The following SEPHS1 variants were observed in gnomAD, a reference collection of about 807,000 sequenced individuals.
SEPHS1 encodes the protein selenophosphate synthetase 1.
A neutral mutation model predicts 39.2 loss-of-function variants in SEPHS1; 7 were observed. The observed-to-expected ratio is 0.18, with a 90% confidence interval of 0.10 to 0.34. SEPHS1 has a LOEUF of 0.34. Ranked by LOEUF, SEPHS1 falls within the 10% of genes least tolerant of loss-of-function variation. The pLI, the probability that SEPHS1 is intolerant of heterozygous loss-of-function variation, is 1.00. For synonymous variants in SEPHS1, 190 were observed against 195.5 expected, an observed-to-expected ratio of 0.97 and a Z score of 0.23; for missense variants, 253 against 514.5, an observed-to-expected ratio of 0.49 and a Z score of 4.92.
At chr10:13,334,015 T>G (rs561208495) in intron 4 of SEPHS1, 44 bp from the exon 5 acceptor site, 1 of 1,536,852 alleles carries the variant, frequency 6.5e-7, no homozygotes, top group East Asian at 2.3e-5. Context: ...AGAATTCTGT[T>G]CAAAACCCAG....
At chr10:13,321,641 C>G (rs1833120543) in intron 8 of SEPHS1, among the ~76,000 whole-genome samples, 1 of 152,040 alleles carries the variant, frequency 6.6e-6, no homozygotes, top group Non-Finnish European at 1.5e-5. Context: ...AAGGGAAAAA[C>G]AGGGAGACTT....
intron 2 of SEPHS1, among the ~76,000 whole-genome samples, chr10:13,341,978 G>GA (rs756726696): frequency 0.45 from 49,334 of 108,698 alleles, 10,805 homozygotes; most frequent in East Asian, 0.69. Context: ...CTATCTCAAG[G>GA]AAAAAAAAAA....
intron 2 of SEPHS1, 24 bp downstream of exon 2, chr10:13,344,734 T>C: frequency 6.9e-7 from 1 of 1,446,234 alleles, no homozygotes; most frequent in Middle Eastern, 1.8e-4. Flanking sequence ...TCGCAGACCA[T>C]CAAAGAAACA....
chr10:13,346,378 T>A (rs1833921600), intron 1 of SEPHS1, among the ~76,000 whole-genome samples: 1 of 152,196 alleles, frequency 6.6e-6, no homozygotes, highest in Non-Finnish European at 1.5e-5. Context: ...GAGTTTTCCA[T>A]CCCTTGGGAC....
intron 7 of SEPHS1, among the ~76,000 whole-genome samples, chr10:13,323,728 T>C (rs966727370): frequency 6.6e-6 from 1 of 151,898 alleles, no homozygotes; most frequent in East Asian, 1.9e-4. Flanking sequence ...TGCAAGTTTA[T>C]TTTTAAATTT....
chr10:13,343,117 TAGTA>T (rs1376246728), intron 2 of SEPHS1, among the ~76,000 whole-genome samples: 1 of 152,240 alleles, frequency 6.6e-6, no homozygotes, highest in Non-Finnish European at 1.5e-5. Context: ...TATGAGTGAC[TAGTA>T]AGTAACTGTG....
intron 8 of SEPHS1, among the ~76,000 whole-genome samples, chr10:13,320,336 C>G (rs991601402): frequency 2.1e-4 from 32 of 151,960 alleles, no homozygotes; most frequent in Non-Finnish European, 1.2e-4. Flanking sequence ...CGCCCGCCAC[C>G]ACACCCGGCT....
chr10:13,325,181 A>G (rs1210143441), intron 7 of SEPHS1, among the ~76,000 whole-genome samples: 4 of 152,152 alleles, frequency 2.6e-5, no homozygotes, highest in Non-Finnish European at 5.9e-5. Context: ...AAACTTAGCA[A>G]TTTTTTAATA....
chr10:13,337,016 TG>T (rs1195934037), intron 3 of SEPHS1, among the ~76,000 whole-genome samples: 1 of 152,182 alleles, frequency 6.6e-6, no homozygotes, highest in Non-Finnish European at 1.5e-5. Context: ...CTGGGCATGG[TG>T]GTGCACACCT....
chr10:13,336,419 T>C (rs764552609), intron 3 of SEPHS1, 69 bp from the exon 4 acceptor site: 1 of 1,121,218 alleles, frequency 8.9e-7, no homozygotes, highest in South Asian at 1.3e-5. Flanking sequence ...GAGTGAGCCA[T>C]GGAGTGGACT....
Position 13,322,777 on chromosome 10 carries a change from C to T in SEPHS1, c.964+58G>A, listed in dbSNP as rs1012641125. 61 of 1,531,678 alleles carry T rather than the reference C, an allele frequency of 4.0e-5. No homozygotes were observed. In the South Asian group the frequency reaches 4.2e-4, roughly 11 times the overall value. The allele number at this position is 1,531,678 out of a possible 1,614,324, so 94.9% of individuals were successfully genotyped here. On this transcript the variant is annotated intron_variant, in intron 8 of 8. Coordinates refer to ENST00000327347, the MANE Select transcript of SEPHS1 (RefSeq NM_012247.5). Reference sequence around the variant, plus strand: ...ACTCGGGGTGGGGCTGCTGCTTTCTCGCTGAGCTTTCTGTTAGCCTCACTA... The same window carrying T: ...ACTCGGGGTGGGGCTGCTGCTTTCTTGCTGAGCTTTCTGTTAGCCTCACTA...
rs1233027287 is a variant in SEPHS1 at position 13,347,993 on chromosome 10, C to G, written c.-79+7G>C. The G allele has an allele frequency of 1.3e-5, 2 of 149,042 alleles. No homozygotes were observed. The highest frequency in any genetic ancestry group is 3.0e-5 in the Non-Finnish European group (2 of 67,080). The allele number at this position is 149,042 out of a possible 1,614,324, so 9.2% of individuals were successfully genotyped here. A position where few individuals can be genotyped will look rare whatever the true frequency, so the allele number is the denominator to read the frequency against. On this transcript the variant is annotated splice_region_variant and intron_variant, in intron 1 of 8. Transcript: ENST00000327347. Reference sequence around the variant, plus strand: ...CGCCTCCCCCCCGCGCCGGGCCCGCCGCTTACCGGCTCGCTTTGCGCCCTC... The same window carrying G: ...CGCCTCCCCCCCGCGCCGGGCCCGCGGCTTACCGGCTCGCTTTGCGCCCTC...
At chr10:13,333,738 C>T (rs1833538485) in intron 5 of SEPHS1, 79 bp downstream of exon 5, 34 of 1,472,278 alleles carry the variant, frequency 2.3e-5, no homozygotes, top group Non-Finnish European at 2.9e-5. Flanking sequence ...CTGCACCTGA[C>T]CTTAATACAT....
chr10:13,337,169 A>AG (rs1564450715), intron 3 of SEPHS1, among the ~76,000 whole-genome samples: 3 of 152,104 alleles, frequency 2.0e-5, no homozygotes. Flanking sequence ...CAAAAAAAAA[A>AG]CAAAAAAAAT....
intron 8 of SEPHS1, among the ~76,000 whole-genome samples, chr10:13,320,596 T>C (rs1833080046): frequency 6.6e-6 from 1 of 151,594 alleles, no homozygotes; most frequent in Admixed American, 6.6e-5. Context: ...TCCCAGCACT[T>C]TGGGAGGCCG....
chr10:13,323,530 T>G (rs1588533096), intron 7 of SEPHS1, among the ~76,000 whole-genome samples: 1 of 152,098 alleles, frequency 6.6e-6, no homozygotes. Context: ...AATTTCTGTA[T>G]TTTTAGCAGA....
chr10:13,338,595 T>A, intron 3 of SEPHS1, 110 bp downstream of exon 3: 1 of 812,844 alleles, frequency 1.2e-6, no homozygotes. Flanking sequence ...ATAGTCGGGA[T>A]ATAACAGAAA....
intron 1 of SEPHS1, among the ~76,000 whole-genome samples, chr10:13,345,855 C>T (rs1238447639): frequency 1.3e-5 from 2 of 152,078 alleles, no homozygotes; most frequent in African/African-American, 4.8e-5. Context: ...CCAGCCTGGG[C>T]GAGAGTGAGA....
chr10:13,334,012 T>C, intron 4 of SEPHS1, 41 bp from the exon 5 acceptor site: 1 of 1,544,588 alleles, frequency 6.5e-7, no homozygotes, highest in Non-Finnish European at 8.8e-7. Context: ...CAAAGAATTC[T>C]GTTCAAAACC....
Sources: allele counts gnomAD v4.1 joint callset (sites outside exome capture counted in the v4.1 genomes callset), GRCh38; gene constraint gnomAD v4.1.1; transcripts MANE v1.5; gene names NCBI Gene and HGNC (gene_info 2026-07-23, HGNC 2026-07-21).